The following PKNOX2 variants were observed in gnomAD, a reference collection of about 807,000 sequenced individuals.
The protein encoded by PKNOX2 is homeobox protein PKNOX2.
Under a neutral mutation model 53.1 loss-of-function variants are expected in PKNOX2, and 14 were observed. That is an observed-to-expected ratio of 0.26 (90% CI 0.17 to 0.41). The LOEUF (loss-of-function observed/expected upper bound fraction) is 0.41, where lower values mean the gene tolerates loss of function less well. Among genes scored for constraint, PKNOX2 ranks in the 10% least tolerant of loss-of-function variants. PKNOX2 has a pLI of 1.00. For synonymous variants in PKNOX2, 257 were observed against 242.8 expected (o/e 1.06, Z -0.54); for missense variants, 496 against 602.8 (o/e 0.82, Z 1.85).
At position 125,431,171 on chromosome 11, in the gene PKNOX2, A is replaced by G. The variant is rs954498292; in HGVS notation, c.1198A>G (p.Ile400Val). Residue 400 changes from isoleucine to valine, a missense_variant, in exon 13 of 13, where the codon ATC becomes GTC. Ile to Val is a conservative substitution (Grantham distance 29). Transcript: ENST00000298282. ...GAPGTNPDGS[I>V]NLDNLQSLSS... is the part of the protein sequence containing the mutation. ...ACCCTTGCTTTCTCTCGCAGGTTCC[A>G]TCAACTTGGACAACCTGCAGTCCCT... 9 of 1,613,322 alleles carry G rather than the reference A, an allele frequency of 5.6e-6. No homozygotes were observed. The Admixed American group carries it at 1.5e-4, about 27-fold the overall frequency.
intron 1 of PKNOX2, among the ~76,000 whole-genome samples, chr11:125,222,597 GTGTGTGTC>G (rs1489196430): frequency 2.8e-5 from 4 of 142,712 alleles, no homozygotes; most frequent in Non-Finnish European, 4.7e-5. Flanking sequence ...GTGTGTGTGT[GTGTGTGTC>G]TGTGTGTATG....
intron 1 of PKNOX2, among the ~76,000 whole-genome samples, chr11:125,178,604 A>AGGAG (rs1955886487): frequency 1.6e-5 from 1 of 61,448 alleles, no homozygotes; most frequent in Non-Finnish European, 3.1e-5. Context: ...GAAGGAAGGA[A>AGGAG]GGAAGGAAAG....
intron 1 of PKNOX2, among the ~76,000 whole-genome samples, chr11:125,190,556 C>T (rs549817277): frequency 6.6e-6 from 1 of 152,314 alleles, no homozygotes; most frequent in Non-Finnish European, 1.5e-5. Flanking sequence ...ACTTAAAACC[C>T]TTTAGAGCCC....
chr11:125,231,096 G>A (rs1001589234), intron 1 of PKNOX2, among the ~76,000 whole-genome samples: 10 of 152,290 alleles, frequency 6.6e-5, no homozygotes, highest in South Asian at 2.1e-4. Flanking sequence ...GGCATACAGC[G>A]ATTAAAGTTC....
At chr11:125,413,778 C>T (rs943629808) in intron 10 of PKNOX2, among the ~76,000 whole-genome samples, 2 of 152,170 alleles carry the variant, frequency 1.3e-5, no homozygotes, top group Non-Finnish European at 1.5e-5. Context: ...ACCTCCCACC[C>T]CCATGCGTTT....
At chr11:125,267,081 G>A (rs529311989) in intron 2 of PKNOX2, among the ~76,000 whole-genome samples, 1 of 152,222 alleles carries the variant, frequency 6.6e-6, no homozygotes. Flanking sequence ...TCCGTCACCA[G>A]CCAAAGCACG....
chr11:125,198,976 G>T (rs1938109834), intron 1 of PKNOX2, among the ~76,000 whole-genome samples: 1 of 151,762 alleles, frequency 6.6e-6, no homozygotes, highest in Admixed American at 6.6e-5. Context: ...GTGTAGCTGG[G>T]GTTACAGATA....
At chr11:125,278,216 C>G (rs1335765668) in intron 2 of PKNOX2, among the ~76,000 whole-genome samples, 1 of 121,746 alleles carries the variant, frequency 8.2e-6, no homozygotes, top group Non-Finnish European at 1.7e-5. Context: ...GAGACCCTGT[C>G]TAAAAAAAAA....
chr11:125,183,954 T>G (rs1956308565), intron 1 of PKNOX2, among the ~76,000 whole-genome samples: 1 of 152,180 alleles, frequency 6.6e-6, no homozygotes, highest in Admixed American at 6.5e-5. Flanking sequence ...CTGTTGCCTG[T>G]GGACCCTCCA....
chr11:125,194,358 A>C (rs868036729), intron 1 of PKNOX2, among the ~76,000 whole-genome samples: 2 of 152,172 alleles, frequency 1.3e-5, no homozygotes, highest in Non-Finnish European at 2.9e-5. Context: ...TTCTCATCAG[A>C]AGATAACACA....
At chr11:125,179,480 C>T (rs1479546937) in intron 1 of PKNOX2, among the ~76,000 whole-genome samples, 3 of 151,404 alleles carry the variant, frequency 2.0e-5, no homozygotes, top group Admixed American at 6.6e-5. Flanking sequence ...GGAGAAAAAT[C>T]GCGTCCCAGG....
In PKNOX2 at chr11:125,312,737, G is replaced by C. The variant is rs141684588; in HGVS notation, c.-129-19082G>C. 3.5e-3 allele frequency among the ~76,000 whole-genome samples: 527 copies of C among 152,300 alleles called. 5 individuals are homozygous for C. The highest frequency in any genetic ancestry group is 0.034 in the Middle Eastern group (10 of 294). ...CGCACGTGCCCATAATGCCAATTCA[G>C]CGGGCTCAGCAGCACCATACAGGTG... On this transcript the variant is annotated intron_variant, in intron 2 of 12. Transcript: ENST00000298282.
chr11:125,226,564 A>T (rs961207318), intron 1 of PKNOX2, among the ~76,000 whole-genome samples: 2 of 152,048 alleles, frequency 1.3e-5, no homozygotes, highest in African/African-American at 4.8e-5. Flanking sequence ...CACCCTTTCC[A>T]ACACGCCAAA....
intron 1 of PKNOX2, among the ~76,000 whole-genome samples, chr11:125,199,693 G>A (rs1313678300): frequency 6.6e-6 from 1 of 152,024 alleles, no homozygotes; most frequent in Non-Finnish European, 1.5e-5. Context: ...AAAATACAAG[G>A]AAATTAGCCA....
rs367743375 is a variant in PKNOX2, at chr11:125,199,711, TG to T, written c.-201+34937del. ...ATACAAGGAAATTAGCCAGATGTGG[TG>T]GCAGGTGCCTGTAATACCAGCTACT... On this transcript the variant is annotated intron_variant, in intron 1 of 12. Coordinates refer to ENST00000298282, the MANE Select transcript of PKNOX2 (RefSeq NM_001382323.2). Among the ~76,000 whole-genome samples the T allele has an allele frequency of 4.2e-3, 644 of 152,304 alleles. 5 individuals are homozygous for T. The highest frequency in any genetic ancestry group is 0.02 in the Middle Eastern group (6 of 294).
intron 2 of PKNOX2, among the ~76,000 whole-genome samples, chr11:125,280,508 C>G (rs1368731062): frequency 6.6e-6 from 1 of 152,168 alleles, no homozygotes; most frequent in Non-Finnish European, 1.5e-5. Context: ...TCCAAACTGT[C>G]AGGGAAGGAT....
At chr11:125,262,226 G>C (rs1282794079) in intron 2 of PKNOX2, among the ~76,000 whole-genome samples, 1 of 152,118 alleles carries the variant, frequency 6.6e-6, no homozygotes, top group Non-Finnish European at 1.5e-5. Context: ...CGGTGGGGGG[G>C]TGGTTCTTTA....
At chr11:125,212,610 G>A (rs981044592) in intron 1 of PKNOX2, among the ~76,000 whole-genome samples, 12 of 151,718 alleles carry the variant, frequency 7.9e-5, no homozygotes, top group Non-Finnish European at 1.6e-4. Context: ...GTTGCCAGGG[G>A]ACTACACTGA....
At chr11:125,228,449 A>G (rs1565474209) in intron 1 of PKNOX2, among the ~76,000 whole-genome samples, 1 of 152,158 alleles carries the variant, frequency 6.6e-6, no homozygotes, top group Non-Finnish European at 1.5e-5. Flanking sequence ...AATGTTTGCT[A>G]TTATTAGGTC....
Sources: gnomAD v4.1 joint callset for allele counts (sites outside exome capture counted in the v4.1 genomes callset) on GRCh38, gnomAD v4.1.1 for gene constraint, MANE v1.5 for transcripts, NCBI Gene and HGNC (gene_info 2026-07-23, HGNC 2026-07-21) for gene names.